Variants in SYT2 observed in about 807,000 individuals in gnomAD.
The protein encoded by SYT2 is synaptotagmin-2.
SYT2 carries 15 observed loss-of-function variants against 39.9 expected under a neutral mutation model. The ratio of observed to expected loss-of-function variants is 0.38; its 90% confidence interval spans 0.25 to 0.58. The LOEUF (loss-of-function observed/expected upper bound fraction) is 0.58, where lower values mean the gene tolerates loss of function less well. Ranked by LOEUF, SYT2 falls within the 20% of genes least tolerant of loss-of-function variation. The pLI, the probability that SYT2 is intolerant of heterozygous loss-of-function variation, is 0.70. For missense variants in SYT2, 389 were observed against 530.3 expected (o/e 0.73, Z 2.62); for synonymous variants, 181 against 204.5 (o/e 0.89, Z 0.98).
chr1:202,650,888 G>A (rs576160081), intron 1 of SYT2, among the ~76,000 whole-genome samples: 33 of 152,168 alleles, frequency 2.2e-4, no homozygotes, highest in Non-Finnish European at 3.5e-4. Flanking sequence ...AAGGAAAGGC[G>A]GGTGTTTCAG....
chr1:202,638,735 C>A (rs1227848086), intron 1 of SYT2, among the ~76,000 whole-genome samples: 1 of 152,248 alleles, frequency 6.6e-6, no homozygotes, highest in Non-Finnish European at 1.5e-5. Flanking sequence ...TTCAGAAACA[C>A]TCCCCATCAC....
At chr1:202,673,397 T>C (rs570122139) in intron 1 of SYT2, among the ~76,000 whole-genome samples, 1 of 152,322 alleles carries the variant, frequency 6.6e-6, no homozygotes, top group East Asian at 1.9e-4. Context: ...AAAGAATCAG[T>C]AATTCACATC....
chr1:202,618,872 A>G (rs1241319380), intron 1 of SYT2, among the ~76,000 whole-genome samples: 1 of 152,070 alleles, frequency 6.6e-6, no homozygotes, highest in Non-Finnish European at 1.5e-5. Context: ...TGTCCCTTCT[A>G]GAGTCAGAGA....
intron 1 of SYT2, among the ~76,000 whole-genome samples, chr1:202,703,612 T>C (rs1264770989): frequency 6.6e-6 from 1 of 152,150 alleles, no homozygotes; most frequent in Admixed American, 6.5e-5. Context: ...CATCTGATCC[T>C]ACCTGAGCTA....
At chr1:202,624,865 GGT>G (rs1318458663) in intron 1 of SYT2, among the ~76,000 whole-genome samples, 2 of 82,126 alleles carry the variant, frequency 2.4e-5, no homozygotes, top group Non-Finnish European at 5.2e-5. Flanking sequence ...TAGGGTGTGT[GGT>G]GTGTGTGTGA....
chr1:202,691,716 GGA>G (rs565195227), intron 1 of SYT2, among the ~76,000 whole-genome samples: 1 of 33,560 alleles, frequency 3.0e-5, no homozygotes, highest in African/African-American at 7.7e-5. Flanking sequence ...AGAGGGAGAG[GGA>G]GAGGGAGAGG....
At chr1:202,700,954 T>C (rs115499866) in intron 1 of SYT2, among the ~76,000 whole-genome samples, 111 of 152,326 alleles carry the variant, frequency 7.3e-4, no homozygotes, top group African/African-American at 2.6e-3. Context: ...TTGGAATGCT[T>C]GTTTGCCTCT....
At chr1:202,697,271 G>A (rs915382431) in intron 1 of SYT2, among the ~76,000 whole-genome samples, 4 of 152,228 alleles carry the variant, frequency 2.6e-5, no homozygotes, top group South Asian at 2.1e-4. Context: ...GAGCCCAGCC[G>A]GTAAGTGGCG....
chr1:202,665,585 A>G (rs1168805110), intron 1 of SYT2, among the ~76,000 whole-genome samples: 1 of 152,184 alleles, frequency 6.6e-6, no homozygotes, highest in Non-Finnish European at 1.5e-5. Flanking sequence ...CAGCTGCGAC[A>G]TCCTACAAGG....
Position 202,601,332 on chromosome 1 carries a change from ATCACTGCC to A in SYT2, c.801+550_801+557del, listed in dbSNP as rs1466425105. Among the ~76,000 whole-genome samples the A allele has an allele frequency of 6.6e-5, 10 of 152,236 alleles. No individual in the cohort carries two copies. Among genetic ancestry groups the A allele is most frequent in the Admixed American group, 6.5e-4 (10 of 15,288 alleles). ...CTTAAGCTTCTCTACTCAGCCCTCC[ATCACTGCC>A]TAGAGTGTGCCAGGTAGCAGGGCCC... is the stretch of plus-strand genomic sequence containing the variant. On this transcript the variant is annotated intron_variant, in intron 6 of 8. Transcript: ENST00000367268. The surrounding 1 kb of genome is among the most constrained non-coding windows in gnomAD (Gnocchi z 4.0).
intron 1 of SYT2, among the ~76,000 whole-genome samples, chr1:202,625,307 G>A (rs1356758367): frequency 7.4e-5 from 9 of 122,114 alleles, no homozygotes; most frequent in Non-Finnish European, 1.3e-4. Flanking sequence ...TGCTGTGTCT[G>A]TGTGGTGTGT....
In SYT2 at chr1:202,640,782, GAGAGAGAGAGACAGAC is replaced by G. The variant is rs59925669; in HGVS notation, c.-17-35009_-17-34994del. Among the ~76,000 whole-genome samples, 803 of 126,294 alleles carry G rather than the reference GAGAGAGAGAGACAGAC, an allele frequency of 6.4e-3. 18 individuals are homozygous for G. The highest frequency in any genetic ancestry group is 0.016 in the African/African-American group (464 of 29,268). The allele number at this position is 126,294 out of a possible 152,430, so 82.9% of individuals were successfully genotyped here. A position where few individuals can be genotyped will look rare whatever the true frequency, so the allele number is the denominator to read the frequency against. ...AGAGAGAGAGAGAGAGAGAGAGAGA[GAGAGAGAGAGACAGAC>G]AGACAGAGAGACAGAGAGACAGTGA... On this transcript the variant is annotated intron_variant, in intron 1 of 8. Coordinates refer to ENST00000367268, the MANE Select transcript of SYT2 (RefSeq NM_177402.5).
chr1:202,647,461 C>T (rs57658975), intron 1 of SYT2, among the ~76,000 whole-genome samples: 6 of 152,156 alleles, frequency 3.9e-5, no homozygotes, highest in Non-Finnish European at 7.4e-5. Context: ...AGGCTTCCCC[C>T]CCCAACCGTA....
chr1:202,687,405 T>A (rs529598193), intron 1 of SYT2, among the ~76,000 whole-genome samples: 2 of 152,142 alleles, frequency 1.3e-5, no homozygotes, highest in African/African-American at 4.8e-5. Context: ...CTCTCTATCA[T>A]GTTGCTCAGA....
chr1:202,652,913 G>A (rs947740550), intron 1 of SYT2, among the ~76,000 whole-genome samples: 37 of 152,190 alleles, frequency 2.4e-4, no homozygotes, highest in African/African-American at 8.4e-4. Flanking sequence ...ACAGTGCCTA[G>A]AGCCTGAGTT....
intron 1 of SYT2, among the ~76,000 whole-genome samples, chr1:202,698,030 G>C (rs1654016906): frequency 6.6e-6 from 1 of 152,058 alleles, no homozygotes; most frequent in African/African-American, 2.4e-5. Flanking sequence ...CACAGCAGGG[G>C]ATGCGGGGAG....
intron 1 of SYT2, among the ~76,000 whole-genome samples, chr1:202,642,672 TCA>T (rs1691950400): frequency 6.6e-6 from 1 of 151,958 alleles, no homozygotes; most frequent in African/African-American, 2.4e-5. Context: ...GCGGGGGCGC[TCA>T]GAAAGGCAGC....
rs1691263245 is a variant in SYT2, at chr1:202,623,653, G to A, written c.-17-17864C>T. Among the ~76,000 whole-genome samples the A allele has an allele frequency of 2.0e-5, 3 of 152,346 alleles. No homozygotes were observed. Among genetic ancestry groups the A allele is most frequent in the South Asian group, 2.1e-4 (1 of 4,832 alleles). On this transcript the variant is annotated intron_variant, in intron 1 of 8. Coordinates refer to ENST00000367268, the MANE Select transcript of SYT2 (RefSeq NM_177402.5). This position sits in a 1 kb window ranked among gnomAD's most constrained non-coding sequence, Gnocchi z 4.2. ...CTGCCTGGTGTAGGATACGGAAAGT[G>A]TGTAGGGGGGGTGCACCCGTGGGCC...
In SYT2 at chr1:202,656,622, A is replaced by C. The variant is rs1052054480; in HGVS notation, c.-17-50833T>G. ...TTTTGGCAAGGATGGTGCGAAGCTT[A>C]GATGAGCTGGACCACATGTTAACTT... On this transcript the variant is annotated intron_variant, in intron 1 of 8. Transcript: ENST00000367268. 7.9e-4 allele frequency among the ~76,000 whole-genome samples: 120 copies of C among 152,266 alleles called. 1 individual carries two copies. The highest frequency in any genetic ancestry group is 7.3e-5 in the Non-Finnish European group (5 of 68,044).
Sources: allele counts gnomAD v4.1 joint callset (sites outside exome capture counted in the v4.1 genomes callset), GRCh38; gene constraint gnomAD v4.1.1; non-coding constraint Gnocchi (gnomAD v3.1); transcripts MANE v1.5; gene names NCBI Gene and HGNC (gene_info 2026-07-23, HGNC 2026-07-21).